Variants in BDKRB2 observed in about 807,000 individuals in gnomAD.
The protein encoded by BDKRB2 is bradykinin receptor B2.
BDKRB2 carries 6 observed loss-of-function variants against 4.0 expected under a neutral mutation model. The observed-to-expected ratio is 1.49, with a 90% CI of 0.81 to 2.93. The LOEUF (loss-of-function observed/expected upper bound fraction) is 2.93. BDKRB2 is among the 30% of genes most tolerant of loss of function. The probability of loss-of-function intolerance (pLI) is 0.00; values close to 1 mark genes in which losing one functional copy is unlikely to be tolerated. For synonymous variants in BDKRB2, 225 were observed against 215.3 expected (o/e 1.05, Z -0.40); for missense variants, 478 against 520.1 (o/e 0.92, Z 0.79).
chr14:96,241,250 C>T lies in BDKRB2; in HGVS notation c.922C>T (p.Arg308Cys), dbSNP rs766530842. 9.9e-6 allele frequency: 16 copies of T among 1,613,156 alleles called. No individual in the cohort carries two copies. The highest frequency in any genetic ancestry group is 2.2e-5 in the East Asian group (1 of 44,882). The change falls in exon 3 of 3, where the codon CGC (arginine) becomes TGC (cysteine). Residue 308 changes from arginine (R) to cysteine (C), a missense_variant. Arg to Cys is a radical substitution (Grantham distance 180). Coordinates refer to ENST00000554311, the MANE Select transcript of BDKRB2 (RefSeq NM_001379692.1). ...CATCCTCTCCAGCTGCCAGGACGAGCGCATCATCGATGTAATCACACAGAT... is the reference window on the plus strand; with the variant it reads ...CATCCTCTCCAGCTGCCAGGACGAGTGCATCATCGATGTAATCACACAGAT... ...LGILSSCQDE[R>C]IIDVITQIAS...
chr14:96,209,216 C>G (rs1055469851), intron 1 of BDKRB2, among the ~76,000 whole-genome samples: 1 of 152,188 alleles, frequency 6.6e-6, no homozygotes, highest in Admixed American at 6.5e-5. Flanking sequence ...TGCGGCAAAT[C>G]TCAATCAATC....
At position 96,208,433 on chromosome 14, in the gene BDKRB2, C is replaced by T. The variant is rs73357999; in HGVS notation, c.-40+3474C>T. Among the ~76,000 whole-genome samples, 1,498 of 152,302 alleles carry T rather than the reference C, an allele frequency of 9.8e-3. 34 individuals carry two copies. Among genetic ancestry groups the T allele is most frequent in the African/African-American group, 0.034 (1,399 of 41,560 alleles). ...CAAACAGCTCTCGGTTCGAATTCAC[C>T]GTCACTTACTGGCCAGGAAAGTTAT... On this transcript the variant is annotated intron_variant, in intron 1 of 2. Transcript: ENST00000554311.
intron 1 of BDKRB2, among the ~76,000 whole-genome samples, chr14:96,209,322 A>T (rs544322529): frequency 6.6e-6 from 1 of 152,238 alleles, no homozygotes; most frequent in African/African-American, 2.4e-5. Context: ...TGTGTGGCCT[A>T]TGCTCTCCGA....
intron 1 of BDKRB2, among the ~76,000 whole-genome samples, chr14:96,228,718 C>T (rs765663618): frequency 8.5e-5 from 13 of 152,164 alleles, no homozygotes; most frequent in Non-Finnish European, 1.6e-4. Context: ...CATTTAGGGC[C>T]GTGGGCCCAG....
chr14:96,227,767 C>A (rs78541972), intron 1 of BDKRB2, among the ~76,000 whole-genome samples: 1 of 152,334 alleles, frequency 6.6e-6, no homozygotes, highest in East Asian at 1.9e-4. Flanking sequence ...TGGCCACACT[C>A]GGCTCAAGCC....
chr14:96,212,632 G>A (rs1014319262), intron 1 of BDKRB2, among the ~76,000 whole-genome samples: 5 of 152,016 alleles, frequency 3.3e-5, no homozygotes, highest in East Asian at 1.9e-4. Context: ...AGTGGGTGGC[G>A]GCTCACTTGG....
rs140702658 is a variant in BDKRB2, at chr14:96,206,098, C to A, written c.-40+1139C>A. 6.7e-3 allele frequency among the ~76,000 whole-genome samples: 1,013 copies of A among 152,284 alleles called. 8 individuals carry two copies. The highest frequency in any genetic ancestry group is 8.9e-3 in the Non-Finnish European group (603 of 68,032). On this transcript the variant is annotated intron_variant, in intron 1 of 2. Coordinates refer to ENST00000554311, the MANE Select transcript of BDKRB2 (RefSeq NM_001379692.1). ...GAGGACATTGCAAAGAGGCCCTGCC[C>A]GAGGTTCTCTGGAGAAAAAACTGTG...
chr14:96,227,069 T>G (rs1171632281), intron 1 of BDKRB2, among the ~76,000 whole-genome samples: 2 of 152,204 alleles, frequency 1.3e-5, no homozygotes, highest in African/African-American at 4.8e-5. Context: ...TGGCATTGCC[T>G]TGCCGTGTGG....
In BDKRB2 at chr14:96,240,648, C is replaced by A; in HGVS notation, c.320C>A (p.Ala107Asp). ...GNLAAADLIL[A>D]CGLPFWAITI... ...CTGGCCGCAGCAGACCTGATCCTGGCCTGCGGGCTGCCCTTCTGGGCCATC... is the reference window on the plus strand; with the variant it reads ...CTGGCCGCAGCAGACCTGATCCTGGACTGCGGGCTGCCCTTCTGGGCCATC... Residue 107 changes from alanine (A) to aspartate (D), a missense_variant, in exon 3 of 3, where the codon GCC (alanine) becomes GAC (aspartate). By Grantham distance (126) the Ala-to-Asp change is moderately radical (BLOSUM62 -2). Transcript: ENST00000554311. The A allele has an allele frequency of 6.4e-7, 1 of 1,569,264 alleles. No individual in the cohort carries two copies. Among genetic ancestry groups the A allele is most frequent in the Non-Finnish European group, 8.6e-7 (1 of 1,160,366 alleles).
intron 1 of BDKRB2, among the ~76,000 whole-genome samples, chr14:96,213,388 C>T (rs750549616): frequency 3.3e-5 from 5 of 152,270 alleles, no homozygotes; most frequent in South Asian, 2.1e-4. Flanking sequence ...CCCCAGAGGA[C>T]ACTGGGACAG....
At position 96,208,458 on chromosome 14, in the gene BDKRB2, T is replaced by G. The variant is rs117233998; in HGVS notation, c.-40+3499T>G. 2.6e-3 allele frequency among the ~76,000 whole-genome samples: 389 copies of G among 152,298 alleles called. 12 individuals are homozygous for G. The East Asian group carries it at 0.04, about 16-fold the overall frequency. On this transcript the variant is annotated intron_variant, in intron 1 of 2. Transcript: ENST00000554311. Reference sequence around the variant, plus strand: ...CGTCACTTACTGGCCAGGAAAGTTATCTGAGCCTCAGTTTCTTCTCCTGTA... The same window carrying G: ...CGTCACTTACTGGCCAGGAAAGTTAGCTGAGCCTCAGTTTCTTCTCCTGTA...
At chr14:96,231,671 G>A (rs1249638421) in intron 1 of BDKRB2, among the ~76,000 whole-genome samples, 1 of 152,188 alleles carries the variant, frequency 6.6e-6, no homozygotes, top group African/African-American at 2.4e-5. Context: ...CCTTGACATC[G>A]ACTTGCTGGG....
At chr14:96,219,104 C>T (rs1381796076) in intron 1 of BDKRB2, among the ~76,000 whole-genome samples, 1 of 151,966 alleles carries the variant, frequency 6.6e-6, no homozygotes, top group Non-Finnish European at 1.5e-5. Context: ...GAGTTCAAGA[C>T]CAGCCTGACC....
At chr14:96,212,444 C>CA (rs1890323763) in intron 1 of BDKRB2, among the ~76,000 whole-genome samples, 1 of 151,678 alleles carries the variant, frequency 6.6e-6, no homozygotes, top group African/African-American at 2.4e-5. Flanking sequence ...AATAATGATC[C>CA]AAAAAAGTAG....
At chr14:96,220,669 C>T (rs539529273) in intron 1 of BDKRB2, among the ~76,000 whole-genome samples, 74 of 147,326 alleles carry the variant, frequency 5.0e-4, no homozygotes, top group Non-Finnish European at 9.0e-4. Flanking sequence ...TCCTCCATCT[C>T]CCCAGACCTG....
At chr14:96,216,092 A>G (rs1890410995) in intron 1 of BDKRB2, among the ~76,000 whole-genome samples, 1 of 152,202 alleles carries the variant, frequency 6.6e-6, no homozygotes, top group African/African-American at 2.4e-5. Context: ...AAAATGAAAT[A>G]CCAAGGAAAG....
Position 96,240,850 on chromosome 14 carries a change from C to T in BDKRB2, c.522C>T (p.Ala174=). The T allele has an allele frequency of 6.4e-7, 1 of 1,571,332 alleles. No homozygotes were observed. The highest frequency in any genetic ancestry group is 1.2e-5 in the South Asian group (1 of 81,806). The part of the protein sequence containing the change: ...SMGRMRGVRW[A]KLYSLVIWGC... ...GCCGGATGCGCGGCGTGCGCTGGGC[C>T]AAGCTCTACAGCTTGGTGATCTGGG... Residue 174 remains alanine (A), a synonymous_variant, in exon 3 of 3, where the codon GCC becomes GCT. Coordinates refer to ENST00000554311, the MANE Select transcript of BDKRB2 (RefSeq NM_001379692.1).
intron 1 of BDKRB2, among the ~76,000 whole-genome samples, chr14:96,228,565 C>CT (rs1350191195): frequency 6.6e-6 from 1 of 152,198 alleles, no homozygotes; most frequent in African/African-American, 2.4e-5. Context: ...CACTTCTTCT[C>CT]TTCTCTCCTT....
chr14:96,221,620 G>T lies in BDKRB2; in HGVS notation c.-39-15449G>T, dbSNP rs185764811. The stretch of plus-strand genomic sequence containing the variant: ...CGGGGAGAGTCAGCTGTCTGGAAAG[G>T]CTTCCTGGAGGAGGAAGATTTGCTA... On this transcript the variant is annotated intron_variant, in intron 1 of 2. Coordinates refer to ENST00000554311, the MANE Select transcript of BDKRB2 (RefSeq NM_001379692.1). Among the ~76,000 whole-genome samples the T allele has an allele frequency of 5.9e-5, 9 of 152,220 alleles. No homozygotes were observed. The East Asian group carries it at 1.7e-3, about 29-fold the overall frequency.
Sources: gnomAD v4.1 joint callset for allele counts (sites outside exome capture counted in the v4.1 genomes callset) on GRCh38, gnomAD v4.1.1 for gene constraint, MANE v1.5 for transcripts, NCBI Gene and HGNC (gene_info 2026-07-23, HGNC 2026-07-21) for gene names.